Variants in UGT2B10 observed in about 807,000 individuals in gnomAD.
The protein encoded by UGT2B10 is UDP-glucuronosyltransferase 2B10.
A neutral mutation model predicts 43.7 loss-of-function variants in UGT2B10; 51 were observed. The observed-to-expected ratio is 1.17, with a 90% CI of 0.93 to 1.47. The LOEUF is 1.47. UGT2B10 is among the 40% of genes most tolerant of loss of function. The pLI is 0.00. For missense variants in UGT2B10, 696 were observed against 617.7 expected, an observed-to-expected ratio of 1.13 and a Z score of -1.34; for synonymous variants, 225 against 209.0, an observed-to-expected ratio of 1.08 and a Z score of -0.66.
chr4:68,817,993 A>G, intron 1 of UGT2B10, 36 bp from the exon 2 acceptor site: 1 of 1,589,536 alleles, frequency 6.3e-7, no homozygotes, highest in Non-Finnish European at 8.5e-7. Flanking sequence ...TAATTATCTT[A>G]TGTCATCCAC....
At position 68,818,812 on chromosome 4, in the gene UGT2B10, G is replaced by T. The variant is rs569910961; in HGVS notation, c.867+635G>T. Among the ~76,000 whole-genome samples, 444 of 151,832 alleles carry T rather than the reference G, an allele frequency of 2.9e-3. 2 individuals carry two copies. The highest frequency in any genetic ancestry group is 6.8e-3 in the Middle Eastern group (2 of 294). ...TCCTCAGGTTTAGTTTGCAGGGAAT[G>T]ATTAAGAATCAGATGACCCTAAAAG... On this transcript the variant is annotated intron_variant, in intron 2 of 5. Coordinates refer to ENST00000265403, the MANE Select transcript of UGT2B10 (RefSeq NM_001075.6).
In UGT2B10 at chr4:68,822,412, A is replaced by G; in HGVS notation, c.999+10A>G. 3.1e-6 allele frequency: 5 copies of G among 1,613,212 alleles called. No homozygotes were observed. Among genetic ancestry groups the G allele is most frequent in the Non-Finnish European group, 4.2e-6 (5 of 1,179,642 alleles). On this transcript the variant is annotated intron_variant, in intron 3 of 5. Coordinates refer to ENST00000265403, the MANE Select transcript of UGT2B10 (RefSeq NM_001075.6). ...CAAGATCCCACAAAAGGTAAGATAA[A>G]GTGCCTTACTGGTGTGGAAAACTAC... is the stretch of plus-strand genomic sequence containing the variant.
At chr4:68,823,243 C>T (rs184711550) in intron 3 of UGT2B10, among the ~76,000 whole-genome samples, 2,434 of 152,110 alleles carry the variant, frequency 0.016, 30 homozygotes, top group East Asian at 0.025. Flanking sequence ...CATGGTGGTT[C>T]GCGCCTGTAA....
chr4:68,831,198 G>A lies in UGT2B10; in HGVS notation c.*319G>A, dbSNP rs897479453. On this transcript the variant is annotated 3_prime_UTR_variant, in exon 6 of 6. Coordinates refer to ENST00000265403, the MANE Select transcript of UGT2B10 (RefSeq NM_001075.6). ...AGCCTCAACTTACTAAGCTCAAGAGGTTCTCTCACCTCAGCCCCCCAAGTA... is the reference window on the plus strand; with the variant it reads ...AGCCTCAACTTACTAAGCTCAAGAGATTCTCTCACCTCAGCCCCCCAAGTA... 5.1e-5 allele frequency: 13 copies of A among 256,988 alleles called. No homozygotes were observed. Among genetic ancestry groups the A allele is most frequent in the Non-Finnish European group, 8.8e-5 (12 of 136,486 alleles). The allele number at this position is 256,988 out of a possible 1,614,324, so 15.9% of individuals were successfully genotyped here.
At chr4:68,824,216 C>G (rs1482474598) in intron 3 of UGT2B10, among the ~76,000 whole-genome samples, 3 of 152,284 alleles carry the variant, frequency 2.0e-5, no homozygotes, top group South Asian at 4.1e-4. Context: ...GACAACTAGT[C>G]CAAGTACCCA....
rs987148233 is a variant in UGT2B10, at chr4:68,820,998, C to T, written c.868-1273C>T. On this transcript the variant is annotated intron_variant, in intron 2 of 5. Coordinates refer to ENST00000265403, the MANE Select transcript of UGT2B10 (RefSeq NM_001075.6). Reference sequence around the variant, plus strand: ...AGCCAGTAAGATGAAACACTGAACACGAGTTACATTAAATGTGGCTACAGG... The same window carrying T: ...AGCCAGTAAGATGAAACACTGAACATGAGTTACATTAAATGTGGCTACAGG... 4.6e-5 allele frequency among the ~76,000 whole-genome samples: 7 copies of T among 152,128 alleles called. No individual in the cohort carries two copies. The East Asian group carries it at 5.8e-4, about 13-fold the overall frequency.
At chr4:68,828,013 A>T (rs1737887981) in intron 5 of UGT2B10, among the ~76,000 whole-genome samples, 1 of 151,978 alleles carries the variant, frequency 6.6e-6, no homozygotes, top group African/African-American at 2.4e-5. Context: ...CCACCTATTT[A>T]TGGCAAAAAT....
intron 1 of UGT2B10, 66 bp downstream of exon 1, chr4:68,816,803 A>T (rs1181150513): frequency 7.7e-6 from 10 of 1,300,290 alleles, no homozygotes; most frequent in African/African-American, 1.5e-5. Context: ...CACAACTTGC[A>T]TAAAGCCATA....
intron 4 of UGT2B10, 72 bp from the exon 5 acceptor site, chr4:68,827,257 C>T: frequency 6.2e-7 from 1 of 1,607,976 alleles, no homozygotes; most frequent in East Asian, 2.2e-5. Context: ...AACACTGTCA[C>T]TTTCAGAGCC....
At chr4:68,823,093 T>C (rs1737592013) in intron 3 of UGT2B10, among the ~76,000 whole-genome samples, 1 of 152,154 alleles carries the variant, frequency 6.6e-6, no homozygotes, top group Admixed American at 6.6e-5. Context: ...ATGCAGTATA[T>C]ACTCTATTTA....
At chr4:68,819,972 A>G (rs185511305) in intron 2 of UGT2B10, among the ~76,000 whole-genome samples, 1 of 152,160 alleles carries the variant, frequency 6.6e-6, no homozygotes, top group East Asian at 1.9e-4. Flanking sequence ...CTCAGTATCT[A>G]TGTTTAATGC....
chr4:68,829,673 G>C (rs1560421658), intron 5 of UGT2B10, among the ~76,000 whole-genome samples: 5 of 151,956 alleles, frequency 3.3e-5, no homozygotes. Flanking sequence ...CATGCCTTGG[G>C]TATAGCAAGA....
intron 2 of UGT2B10, among the ~76,000 whole-genome samples, chr4:68,819,876 T>A (rs114688975): frequency 0.02 from 3,100 of 152,156 alleles, 124 homozygotes; most frequent in African/African-American, 0.071. Context: ...ATGTAAAAAG[T>A]AAGGCTTCTT....
chr4:68,817,146 C>G lies in UGT2B10; in HGVS notation c.718+409C>G, dbSNP rs540217050. ...TATATAACTGCAGAAATTTTTCCTT[C>G]TAAATCTCAGTTGTCTTATTTAGAA... On this transcript the variant is annotated intron_variant, in intron 1 of 5. Transcript: ENST00000265403. 4.6e-5 allele frequency among the ~76,000 whole-genome samples: 7 copies of G among 151,884 alleles called. No individual in the cohort carries two copies. The South Asian group carries it at 1.5e-3, about 31-fold the overall frequency.
intron 1 of UGT2B10, among the ~76,000 whole-genome samples, chr4:68,816,994 T>TA (rs1737246353): frequency 6.6e-6 from 1 of 151,820 alleles, no homozygotes; most frequent in Non-Finnish European, 1.5e-5. Flanking sequence ...ACCTAAGACT[T>TA]TAAGCAATTA....
At chr4:68,827,705 TA>T (rs1403916116) in intron 5 of UGT2B10, among the ~76,000 whole-genome samples, 157 bp downstream of exon 5, 1 of 152,072 alleles carries the variant, frequency 6.6e-6, no homozygotes, top group East Asian at 1.9e-4. Context: ...ATCTGTTATT[TA>T]AAAATTGTAT....
At chr4:68,826,999 T>C (rs1326935285) in intron 4 of UGT2B10, among the ~76,000 whole-genome samples, 2 of 152,036 alleles carry the variant, frequency 1.3e-5, no homozygotes, top group Non-Finnish European at 2.9e-5. Flanking sequence ...ACCCCACATA[T>C]CACACTCTGT....
intron 2 of UGT2B10, among the ~76,000 whole-genome samples, chr4:68,821,745 T>G (rs1376675978): frequency 2.0e-5 from 3 of 152,136 alleles, no homozygotes; most frequent in African/African-American, 7.2e-5. Flanking sequence ...GTAACGTAAA[T>G]GTAGATATAA....
chr4:68,827,799 TA>T (rs1221731953), intron 5 of UGT2B10, among the ~76,000 whole-genome samples: 1 of 151,906 alleles, frequency 6.6e-6, no homozygotes, highest in Non-Finnish European at 1.5e-5. Context: ...ATAGATAATA[TA>T]AAAAAATACA....
Sources: allele counts gnomAD v4.1 joint callset (sites outside exome capture counted in the v4.1 genomes callset), GRCh38; gene constraint gnomAD v4.1.1; transcripts MANE v1.5; gene names NCBI Gene and HGNC (gene_info 2026-07-23, HGNC 2026-07-21).